The following CA2 variants were observed in gnomAD, a reference collection of about 807,000 sequenced individuals.
CA2 encodes carbonate dehydratase II.
In CA2, 23 loss-of-function variants were observed where a neutral mutation model predicts 27.8. The ratio of observed to expected loss-of-function variants is 0.83; its 90% CI spans 0.59 to 1.17. The LOEUF (loss-of-function observed/expected upper bound fraction) is 1.17, where lower values mean the gene tolerates loss of function less well. CA2 is among the 50% of genes most tolerant of loss of function. The pLI is 0.00. For missense variants in CA2, 300 were observed against 314.7 expected, an observed-to-expected ratio of 0.95 and a Z score of 0.35; for synonymous variants, 99 against 114.9, an observed-to-expected ratio of 0.86 and a Z score of 0.88.
chr8:85,480,074 T>C (rs1586018320), intron 6 of CA2, among the ~76,000 whole-genome samples: 2 of 152,308 alleles, frequency 1.3e-5, no homozygotes, highest in South Asian at 4.2e-4. Context: ...ATTTTTAAAT[T>C]AGAAGGTCAC....
intron 1 of CA2, 86 bp downstream of exon 1, chr8:85,464,201 C>A: frequency 8.1e-7 from 1 of 1,231,850 alleles, no homozygotes. Context: ...CGGCCCGGGG[C>A]CCGCAGCGCC....
At chr8:85,474,547 T>TTC (rs1176320044) in intron 4 of CA2, 131 bp downstream of exon 4, 1 of 767,052 alleles carries the variant, frequency 1.3e-6, no homozygotes, top group Non-Finnish European at 2.3e-6. Flanking sequence ...GTTTTCAAGT[T>TTC]TATCTCCTCC....
At chr8:85,469,085 T>A (rs2130550420) in intron 2 of CA2, among the ~76,000 whole-genome samples, 1 of 152,328 alleles carries the variant, frequency 6.6e-6, no homozygotes, top group East Asian at 1.9e-4. Context: ...CCATGTTTTT[T>A]AAAAGCTGGC....
intron 2 of CA2, among the ~76,000 whole-genome samples, chr8:85,466,231 T>C (rs1811629546): frequency 6.6e-6 from 1 of 151,436 alleles, no homozygotes; most frequent in Admixed American, 6.6e-5. Context: ...TCACACATAG[T>C]AGCTGCCTTC....
intron 2 of CA2, among the ~76,000 whole-genome samples, chr8:85,471,127 TA>T (rs1288022051): frequency 6.6e-6 from 1 of 152,146 alleles, no homozygotes; most frequent in Non-Finnish European, 1.5e-5. Context: ...GTTTCTCAAA[TA>T]AAAAGTTTGA....
In CA2 at chr8:85,474,385, A is replaced by G. The variant is rs746174951; in HGVS notation, c.413A>G (p.Asp138Gly). 1.9e-6 allele frequency: 3 copies of G among 1,613,954 alleles called. No individual in the cohort carries two copies. The Admixed American group carries it at 5.0e-5, about 27-fold the overall frequency. Residue 138 changes from aspartate (D) to glycine (G), a missense_variant, in exon 4 of 7, where the codon GAT becomes GGT. Physicochemically the swap from Asp to Gly is moderately conservative, Grantham distance 94 (BLOSUM62 -1). This residue lies in a region of CA2 where 173 missense variants were observed against 161.0 expected (regional missense o/e 1.07). Coordinates refer to ENST00000285379, the MANE Select transcript of CA2 (RefSeq NM_000067.3). ...GDFGKAVQQP[D>G]GLAVLGIFLK... ...TTTGGGAAAGCTGTGCAGCAACCTG[A>G]TGGACTGGCCGTTCTAGGTATTTTT... is the stretch of plus-strand genomic sequence containing the variant.
chr8:85,475,371 TA>T (rs3070396), intron 4 of CA2, among the ~76,000 whole-genome samples: 8 of 41,360 alleles, frequency 1.9e-4, no homozygotes, highest in Non-Finnish European at 1.9e-4. Flanking sequence ...ACTCTGACTC[TA>T]AAAAAAAAAA....
intron 5 of CA2, 107 bp downstream of exon 5, chr8:85,475,967 T>C (rs1471136628): frequency 7.1e-6 from 6 of 842,128 alleles, no homozygotes; most frequent in Non-Finnish European, 1.2e-5. Flanking sequence ...ACATGTGGTG[T>C]TTGGATGAGC....
intron 1 of CA2, 171 bp downstream of exon 1, chr8:85,464,286 G>A (rs1811584818): frequency 1.9e-6 from 1 of 514,900 alleles, no homozygotes; most frequent in Non-Finnish European, 3.3e-6. Context: ...TCCGCTCGCG[G>A]CTCCGCGGCG....
chr8:85,472,926 G>T (rs996939928), intron 2 of CA2, among the ~76,000 whole-genome samples: 1 of 151,290 alleles, frequency 6.6e-6, no homozygotes, highest in Admixed American at 6.6e-5. Context: ...TGCTTGAGGC[G>T]GAAGTTGCAG....
At chr8:85,477,689 T>C (rs1246148325) in intron 6 of CA2, among the ~76,000 whole-genome samples, 2 of 152,190 alleles carry the variant, frequency 1.3e-5, no homozygotes, top group Non-Finnish European at 2.9e-5. Context: ...TCAGAATGCA[T>C]TTCTGAATCC....
chr8:85,479,319 A>G (rs140191835), intron 6 of CA2, among the ~76,000 whole-genome samples: 3 of 152,050 alleles, frequency 2.0e-5, no homozygotes, highest in African/African-American at 7.3e-5. Flanking sequence ...TTATGAACAG[A>G]CTCTCTTTCA....
intron 1 of CA2, 49 bp from the exon 2 acceptor site, chr8:85,465,223 G>A: frequency 6.9e-7 from 1 of 1,455,126 alleles, no homozygotes; most frequent in Non-Finnish European, 9.7e-7. Flanking sequence ...TAGGGGTCTG[G>A]GTGTACCTTT....
At chr8:85,469,651 A>G (rs1007759766) in intron 2 of CA2, among the ~76,000 whole-genome samples, 2 of 152,182 alleles carry the variant, frequency 1.3e-5, no homozygotes, top group Non-Finnish European at 2.9e-5. Flanking sequence ...AACTCCTGCT[A>G]ACTTATTAAC....
At chr8:85,473,001 T>C (rs551053618) in intron 2 of CA2, among the ~76,000 whole-genome samples, 1,683 of 104,752 alleles carry the variant, frequency 0.016, 28 homozygotes, top group African/African-American at 0.06. Context: ...TTCAAAATAA[T>C]AATAATAATA....
chr8:85,477,897 T>G (rs1039678308), intron 6 of CA2, among the ~76,000 whole-genome samples: 1 of 152,208 alleles, frequency 6.6e-6, no homozygotes, highest in African/African-American at 2.4e-5. Flanking sequence ...ACTTACCTCT[T>G]AGCGCACAGT....
At position 85,477,219 on chromosome 8, in the gene CA2, C is replaced by A. The variant is rs548376992; in HGVS notation, c.607C>A (p.Leu203Met). 52 of 1,614,126 alleles carry A rather than the reference C, an allele frequency of 3.2e-5. No homozygotes were observed. In the East Asian group the frequency reaches 1.1e-3, roughly 35 times the overall value. ...YPGSLTTPPL[L>M]ECVTWIVLKE... ...AGGCTCACTGACCACCCCTCCTCTT[C>A]TGGAATGTGTGACCTGGATTGTGCT... Residue 203 changes from leucine (L) to methionine (M), a missense_variant, in exon 6 of 7, where the codon CTG (leucine) becomes ATG (methionine). Coordinates refer to ENST00000285379, the MANE Select transcript of CA2 (RefSeq NM_000067.3).
chr8:85,468,189 T>C (rs1170145265), intron 2 of CA2, among the ~76,000 whole-genome samples: 1 of 152,178 alleles, frequency 6.6e-6, no homozygotes, highest in Admixed American at 6.5e-5. Flanking sequence ...ATGTGGAGGC[T>C]TGAAGGATTT....
intron 4 of CA2, among the ~76,000 whole-genome samples, chr8:85,475,371 T>TAA (rs3070396): frequency 0.59 from 24,456 of 41,338 alleles, 9,505 homozygotes; most frequent in Non-Finnish European, 0.65. Flanking sequence ...ACTCTGACTC[T>TAA]AAAAAAAAAA....
Sources: allele counts gnomAD v4.1 joint callset (sites outside exome capture counted in the v4.1 genomes callset), GRCh38; gene constraint gnomAD v4.1.1; regional missense constraint gnomAD v4.1.1; transcripts MANE v1.5; gene names NCBI Gene and HGNC (gene_info 2026-07-23, HGNC 2026-07-21).